The following NUAK1 variants were observed in gnomAD, a reference collection of about 807,000 sequenced individuals.
NUAK1 encodes the protein NUAK family SNF1-like kinase 1.
Under a neutral mutation model 56.9 loss-of-function variants are expected in NUAK1, and 26 were observed. The ratio of observed to expected loss-of-function variants is 0.46; its 90% CI spans 0.33 to 0.63. NUAK1 has a LOEUF of 0.63. Ranked by LOEUF, NUAK1 falls within the 30% of genes least tolerant of loss-of-function variation. The pLI, the probability that NUAK1 is intolerant of heterozygous loss-of-function variation, is 0.02. For synonymous variants in NUAK1, 337 were observed against 336.0 expected, an observed-to-expected ratio of 1.00 and a Z score of -0.03; for missense variants, 727 against 876.1, an observed-to-expected ratio of 0.83 and a Z score of 2.15.
At chr12:106,126,485 G>A (rs544008144) in intron 1 of NUAK1, among the ~76,000 whole-genome samples, 2 of 152,216 alleles carry the variant, frequency 1.3e-5, no homozygotes, top group African/African-American at 4.8e-5. Context: ...TGGGGCCCTG[G>A]GCCTCAGTTA....
intron 1 of NUAK1, among the ~76,000 whole-genome samples, chr12:106,130,670 G>A (rs530449401): frequency 1.3e-5 from 2 of 152,362 alleles, no homozygotes; most frequent in East Asian, 3.9e-4. Context: ...ATGGGCCCCA[G>A]CCCGCGTCGT....
At chr12:106,129,498 C>T (rs527704364) in intron 1 of NUAK1, among the ~76,000 whole-genome samples, 6 of 152,338 alleles carry the variant, frequency 3.9e-5, no homozygotes, top group Admixed American at 3.9e-4. Context: ...CCAACACACA[C>T]TCTCCATGTG....
At chr12:106,119,997 G>C (rs1288593257) in intron 1 of NUAK1, among the ~76,000 whole-genome samples, 1 of 152,082 alleles carries the variant, frequency 6.6e-6, no homozygotes, top group East Asian at 1.9e-4. Context: ...AATATATTTA[G>C]AGCTCTCTAT....
intron 1 of NUAK1, among the ~76,000 whole-genome samples, chr12:106,114,384 G>A (rs1313438919): frequency 5.9e-5 from 9 of 152,280 alleles, no homozygotes; most frequent in South Asian, 4.1e-4. Flanking sequence ...TCACGCCACC[G>A]GCTCAGTTTC....
intron 4 of NUAK1, among the ~76,000 whole-genome samples, chr12:106,083,438 G>C (rs2136461081): frequency 6.6e-6 from 1 of 152,266 alleles, no homozygotes; most frequent in African/African-American, 2.4e-5. Context: ...CTGTGCCTCA[G>C]TTTCCCTATC....
chr12:106,094,652 T>C (rs1267097130), intron 2 of NUAK1, among the ~76,000 whole-genome samples: 1 of 152,234 alleles, frequency 6.6e-6, no homozygotes, highest in African/African-American at 2.4e-5. Flanking sequence ...ACTCACTGTC[T>C]TTTCTTGAAC....
rs2033135334 is a variant in NUAK1, at chr12:106,136,999, T to C, written c.240+1415A>G. Among the ~76,000 whole-genome samples the C allele has an allele frequency of 2.0e-5, 3 of 152,340 alleles. No individual in the cohort carries two copies. The South Asian group carries it at 6.2e-4, about 32-fold the overall frequency. ...AACTACTTGCTTGCTGTAGAATTTATTACAGAGCCAGCTTTAAAAAGAAAT... is the reference window on the plus strand; with the variant it reads ...AACTACTTGCTTGCTGTAGAATTTACTACAGAGCCAGCTTTAAAAAGAAAT... On this transcript the variant is annotated intron_variant, in intron 1 of 6. Coordinates refer to ENST00000261402, the MANE Select transcript of NUAK1 (RefSeq NM_014840.3).
At chr12:106,116,647 C>A (rs555638921) in intron 1 of NUAK1, among the ~76,000 whole-genome samples, 1 of 152,216 alleles carries the variant, frequency 6.6e-6, no homozygotes, top group South Asian at 2.1e-4. Context: ...ATACTCTTAA[C>A]CTCTGAAGCA....
chr12:106,136,972 T>C (rs1329739468), intron 1 of NUAK1, among the ~76,000 whole-genome samples: 1 of 152,228 alleles, frequency 6.6e-6, no homozygotes, highest in African/African-American at 2.4e-5. Flanking sequence ...GAGTGAATTC[T>C]CAACTACTTG....
chr12:106,116,710 T>C (rs1328684583), intron 1 of NUAK1, among the ~76,000 whole-genome samples: 1 of 152,218 alleles, frequency 6.6e-6, no homozygotes, highest in Non-Finnish European at 1.5e-5. Context: ...GTTACATAAA[T>C]ATGAGCTGAA....
intron 1 of NUAK1, among the ~76,000 whole-genome samples, chr12:106,134,492 C>T (rs939296952): frequency 6.6e-6 from 1 of 152,228 alleles, no homozygotes; most frequent in Non-Finnish European, 1.5e-5. Context: ...GCACACATTG[C>T]CCACCAGTCC....
intron 1 of NUAK1, among the ~76,000 whole-genome samples, chr12:106,137,963 G>A (rs2033145176): frequency 6.6e-6 from 1 of 152,216 alleles, no homozygotes; most frequent in South Asian, 2.1e-4. Flanking sequence ...GGGCAGATGG[G>A]TGGAAGGGGG....
In NUAK1 at chr12:106,130,855, G is replaced by A. The variant is rs574124615; in HGVS notation, c.240+7559C>T. ...CTGTGTGCCAGGCACCAGGCAAAAG[G>A]CTTAGCTATGTCACCTCGGTGCTTC... On this transcript the variant is annotated intron_variant, in intron 1 of 6. Coordinates refer to ENST00000261402, the MANE Select transcript of NUAK1 (RefSeq NM_014840.3). Among the ~76,000 whole-genome samples, 6 of 152,322 alleles carry A rather than the reference G, an allele frequency of 3.9e-5. No individual in the cohort carries two copies. In the South Asian group the frequency reaches 1.2e-3, roughly 32 times the overall value.
At chr12:106,072,013 C>T (rs542639507) in intron 5 of NUAK1, among the ~76,000 whole-genome samples, 22 of 152,328 alleles carry the variant, frequency 1.4e-4, no homozygotes, top group African/African-American at 5.3e-4. Flanking sequence ...ACAACTCACT[C>T]ATTTTCAAAA....
In NUAK1 at chr12:106,138,409, C is replaced by G. The variant is rs1369666968; in HGVS notation, c.240+5G>C. ...CCCCGCACCCTCCAGGATTGCCCCA[C>G]TCACCACTCGGCCAGAAAACCTCTC... On this transcript the variant is annotated splice_donor_5th_base_variant and intron_variant, in intron 1 of 6. Coordinates refer to ENST00000261402, the MANE Select transcript of NUAK1 (RefSeq NM_014840.3). The surrounding 1 kb of genome is among the most constrained non-coding windows in gnomAD (Gnocchi z 5.0). The G allele has an allele frequency of 2.5e-6, 4 of 1,604,576 alleles. No homozygotes were observed. The highest frequency in any genetic ancestry group is 3.4e-6 in the Non-Finnish European group (4 of 1,176,456).
At chr12:106,069,745 AACT>A (rs1173652181) in intron 6 of NUAK1, among the ~76,000 whole-genome samples, 1 of 152,222 alleles carries the variant, frequency 6.6e-6, no homozygotes, top group Non-Finnish European at 1.5e-5. Flanking sequence ...TGTAGAACAT[AACT>A]ACTATGAATG....
chr12:106,107,539 G>A (rs915259278), intron 1 of NUAK1, among the ~76,000 whole-genome samples: 1 of 152,128 alleles, frequency 6.6e-6, no homozygotes. Flanking sequence ...ACCTGTGGAG[G>A]TCAGGTAAAC....
intron 2 of NUAK1, among the ~76,000 whole-genome samples, chr12:106,091,151 A>C (rs1006480408): frequency 1.3e-5 from 2 of 152,170 alleles, no homozygotes; most frequent in African/African-American, 2.4e-5. Flanking sequence ...GTCTGTGTTT[A>C]TGTTATTAGT....
intron 2 of NUAK1, among the ~76,000 whole-genome samples, chr12:106,096,607 T>A (rs1007112591): frequency 1.3e-5 from 2 of 152,188 alleles, no homozygotes; most frequent in African/African-American, 4.8e-5. Context: ...AACACAAGCA[T>A]AATACACTAC....
Sources: gnomAD v4.1 joint callset for allele counts (sites outside exome capture counted in the v4.1 genomes callset) on GRCh38, gnomAD v4.1.1 for gene constraint, Gnocchi (gnomAD v3.1) non-coding constraint, MANE v1.5 for transcripts, NCBI Gene and HGNC (gene_info 2026-07-23, HGNC 2026-07-21) for gene names.